Variants in ANLN observed in about 807,000 individuals in gnomAD.
The protein encoded by ANLN is anillin.
A neutral mutation model predicts 135.1 loss-of-function variants in ANLN; 59 were observed. The observed-to-expected ratio is 0.44, with a 90% confidence interval of 0.35 to 0.54. ANLN has a LOEUF of 0.54. ANLN is among the 20% of genes least tolerant of loss of function. The pLI is 0.00. For missense variants in ANLN, 1,182 were observed against 1,340.0 expected (o/e 0.88, Z 1.84); for synonymous variants, 406 against 456.4 (o/e 0.89, Z 1.41).
rs1788057218 is a variant in ANLN at position 36,425,826 on chromosome 7, C to T, written c.2748+86C>T. On this transcript the variant is annotated intron_variant, in intron 18 of 23. Transcript: ENST00000265748. ...TTTAAATTGGTTAACCATTTCTGAA[C>T]CTTGAGCACTGTGGAAAATTTTAAC... 13 of 1,396,780 alleles carry T rather than the reference C, an allele frequency of 9.3e-6. No individual in the cohort carries two copies. The South Asian group carries it at 1.2e-4, about 13-fold the overall frequency. 86.5% of individuals were successfully genotyped at this position (1,396,780 alleles called of 1,614,324 possible).
chr7:36,445,105 T>C (rs1788935479), intron 22 of ANLN, among the ~76,000 whole-genome samples: 1 of 151,192 alleles, frequency 6.6e-6, no homozygotes, highest in Non-Finnish European at 1.5e-5. Flanking sequence ...ATTATACAGA[T>C]TGAATATCCC....
chr7:36,396,481 C>G, intron 2 of ANLN, 62 bp downstream of exon 2: 1 of 1,481,238 alleles, frequency 6.8e-7, no homozygotes, highest in Non-Finnish European at 9.1e-7. Context: ...GAGACAAGCC[C>G]CAAACATTTC....
chr7:36,424,035 T>G lies in ANLN; in HGVS notation c.2603+92T>G, dbSNP rs1298764627. 16 of 1,296,144 alleles carry G rather than the reference T, an allele frequency of 1.2e-5. No individual in the cohort carries two copies. The East Asian group carries it at 3.7e-4, about 30-fold the overall frequency. 80.3% of individuals were successfully genotyped at this position (1,296,144 alleles called of 1,614,324 possible). A position where few individuals can be genotyped will look rare whatever the true frequency, so the allele number is the denominator to read the frequency against. On this transcript the variant is annotated intron_variant, in intron 15 of 23. Transcript: ENST00000265748. ...GCATTCAGGTGGCATTTATAATCTT[T>G]GAAACGCCTTATGCACATTCTTTTT...
At chr7:36,439,709 GGC>G (rs1245200062) in intron 21 of ANLN, among the ~76,000 whole-genome samples, 7 of 152,310 alleles carry the variant, frequency 4.6e-5, no homozygotes, top group Middle Eastern at 3.4e-3. Context: ...AATGTACAGT[GGC>G]TTGAAGGGCC....
intron 7 of ANLN, 23 bp from the exon 8 acceptor site, chr7:36,415,735 T>C (rs749184831): frequency 3.6e-5 from 57 of 1,562,906 alleles, no homozygotes; most frequent in Non-Finnish European, 4.8e-5. Flanking sequence ...AAATAAAATT[T>C]ACTTTTCATT....
intron 5 of ANLN, among the ~76,000 whole-genome samples, chr7:36,409,332 C>G (rs538032257): frequency 6.6e-6 from 1 of 152,160 alleles, no homozygotes; most frequent in East Asian, 1.9e-4. Context: ...AAATTATGGC[C>G]GTGGCTCAAA....
chr7:36,416,162 A>G (rs1466106236), intron 8 of ANLN, among the ~76,000 whole-genome samples: 1 of 152,116 alleles, frequency 6.6e-6, no homozygotes, highest in Non-Finnish European at 1.5e-5. Flanking sequence ...CTGGGATTAC[A>G]GGCGCCTGCC....
intron 5 of ANLN, 50 bp downstream of exon 5, chr7:36,408,006 C>G: frequency 7.4e-7 from 1 of 1,355,774 alleles, no homozygotes; most frequent in East Asian, 2.4e-5. Flanking sequence ...TTCAGGATAT[C>G]TATTCTCAGC....
intron 20 of ANLN, among the ~76,000 whole-genome samples, chr7:36,433,638 C>T (rs1285902246): frequency 6.6e-6 from 1 of 152,170 alleles, no homozygotes; most frequent in Admixed American, 6.5e-5. Context: ...CTGCTCTCTC[C>T]TTTCTGAAAC....
In ANLN at chr7:36,444,027, C is replaced by T. The variant is rs7808998; in HGVS notation, c.3078+165C>T. ...CTTGTTGGCCAGGCGCAGTGGCTTA[C>T]GCCTATAATCCCAGCACTTTGGGAG... On this transcript the variant is annotated intron_variant, in intron 22 of 23. Coordinates refer to ENST00000265748, the MANE Select transcript of ANLN (RefSeq NM_018685.5). 7.5e-3 allele frequency among the ~76,000 whole-genome samples: 1,150 copies of T among 152,348 alleles called. 14 individuals are homozygous for T. The highest frequency in any genetic ancestry group is 0.026 in the African/African-American group (1,094 of 41,578).
chr7:36,428,474 GACATTATGT>G, intron 20 of ANLN: 1 of 481,768 alleles, frequency 2.1e-6, no homozygotes, highest in Non-Finnish European at 3.4e-6. Flanking sequence ...AATAATTAAG[GACATTATGT>G]ACATTATTCT....
intron 9 of ANLN, among the ~76,000 whole-genome samples, chr7:36,418,625 A>T (rs1257877966): frequency 6.6e-6 from 1 of 152,170 alleles, no homozygotes; most frequent in South Asian, 2.1e-4. Context: ...ATTTGAGAGA[A>T]TATTTTTTGA....
chr7:36,432,165 G>A (rs1403603788), intron 20 of ANLN, among the ~76,000 whole-genome samples: 2 of 152,182 alleles, frequency 1.3e-5, no homozygotes, highest in Non-Finnish European at 2.9e-5. Context: ...AGAAGTTCAA[G>A]GCTGCAGTGA....
intron 20 of ANLN, among the ~76,000 whole-genome samples, chr7:36,430,062 A>G (rs1327509357): frequency 2.6e-5 from 4 of 152,184 alleles, no homozygotes; most frequent in Non-Finnish European, 4.4e-5. Flanking sequence ...ATTTGTTCCA[A>G]TTGCCTGGGT....
chr7:36,452,584 C>T lies in ANLN; in HGVS notation c.3359C>T (p.Pro1120Leu), dbSNP rs1304436732. ...RLWQPDACYK[P>L]IGKP ...TGGCAACCTGATGCTTGCTACAAAC[C>T]TATTGGAAAGCCTTAAACCGGGAAA... The change falls in exon 24 of 24, where the codon CCT becomes CTT. Residue 1120 changes from proline to leucine, a missense_variant. Pro to Leu is a moderately conservative substitution (Grantham distance 98). This residue lies in a region of ANLN where 78 missense variants were observed against 72.7 expected (regional missense o/e 1.07). Coordinates refer to ENST00000265748, the MANE Select transcript of ANLN (RefSeq NM_018685.5). 2.5e-6 allele frequency: 4 copies of T among 1,614,012 alleles called. No individual in the cohort carries two copies. The East Asian group carries it at 8.9e-5, about 36-fold the overall frequency.
chr7:36,425,860 A>G (rs1245328640), intron 18 of ANLN, 120 bp downstream of exon 18: 13 of 1,149,066 alleles, frequency 1.1e-5, no homozygotes, highest in Non-Finnish European at 1.6e-5. Flanking sequence ...ACATGTACTA[A>G]TGGGGGGATA....
chr7:36,431,798 A>C (rs970873032), intron 20 of ANLN, among the ~76,000 whole-genome samples: 8 of 151,614 alleles, frequency 5.3e-5, no homozygotes, highest in Non-Finnish European at 1.2e-4. Context: ...TTACCTTTAC[A>C]CAAAACAGGA....
At chr7:36,405,025 G>A (rs1787130516) in intron 3 of ANLN, among the ~76,000 whole-genome samples, 1 of 152,200 alleles carries the variant, frequency 6.6e-6, no homozygotes, top group South Asian at 2.1e-4. Flanking sequence ...GTGGGCTACT[G>A]TATGGTCATA....
Position 36,427,938 on chromosome 7 carries a change from G to A in ANLN, c.2883+910G>A, listed in dbSNP as rs138651438. Among the ~76,000 whole-genome samples, 455 of 152,236 alleles carry A rather than the reference G, an allele frequency of 3.0e-3. 5 individuals carry two copies. Among genetic ancestry groups the A allele is most frequent in the African/African-American group, 0.01 (424 of 41,534 alleles). On this transcript the variant is annotated intron_variant, in intron 20 of 23. Transcript: ENST00000265748. ...ACAGTGATAATTTATATTATCATGT[G>A]AGATTTCTGTAGTGCGAATATAGAG...
Sources: allele counts gnomAD v4.1 joint callset (sites outside exome capture counted in the v4.1 genomes callset), GRCh38; gene constraint gnomAD v4.1.1; regional missense constraint gnomAD v4.1.1; transcripts MANE v1.5; gene names NCBI Gene and HGNC (gene_info 2026-07-23, HGNC 2026-07-21).